The following CPLX1 variants were observed in gnomAD, a reference collection of about 807,000 sequenced individuals.
The protein encoded by CPLX1 is complexin 1, also known as complexin-1.
CPLX1 carries 6 observed loss-of-function variants against 15.6 expected under a neutral mutation model. The ratio of observed to expected loss-of-function variants is 0.39; its 90% CI spans 0.21 to 0.76. CPLX1 has a LOEUF of 0.76. Among genes scored for constraint, CPLX1 ranks in the 30% least tolerant of loss-of-function variants. CPLX1 has a pLI of 0.43. For missense variants in CPLX1, 242 were observed against 188.6 expected, an observed-to-expected ratio of 1.28 and a Z score of -1.66; for synonymous variants, 91 against 75.2, an observed-to-expected ratio of 1.21 and a Z score of -1.08.
intron 2 of CPLX1, among the ~76,000 whole-genome samples, chr4:800,578 G>GTA (rs1553853396): frequency 2.3e-5 from 3 of 130,450 alleles, no homozygotes; most frequent in Non-Finnish European, 3.2e-5. Context: ...GTGTGTGTGT[G>GTA]TATATATATG....
intron 2 of CPLX1, among the ~76,000 whole-genome samples, chr4:793,071 C>T (rs1016894612): frequency 6.6e-6 from 1 of 152,156 alleles, no homozygotes; most frequent in Non-Finnish European, 1.5e-5. Context: ...GTTGTGTGAT[C>T]AGGCTTGTCG....
At chr4:800,499 C>CAT (rs1241549337) in intron 2 of CPLX1, among the ~76,000 whole-genome samples, 2 of 147,162 alleles carry the variant, frequency 1.4e-5, no homozygotes, top group East Asian at 4.0e-4. Flanking sequence ...TATACACACA[C>CAT]ATATACACAC....
At chr4:788,985 T>A (rs567250102) in intron 3 of CPLX1, among the ~76,000 whole-genome samples, 1 of 152,146 alleles carries the variant, frequency 6.6e-6, no homozygotes, top group Non-Finnish European at 1.5e-5. Flanking sequence ...CGGTGTGGGA[T>A]CCTTCCTTCT....
At chr4:793,866 T>A (rs895304662) in intron 2 of CPLX1, among the ~76,000 whole-genome samples, 1 of 152,216 alleles carries the variant, frequency 6.6e-6, no homozygotes, top group African/African-American at 2.4e-5. Flanking sequence ...GCTGAGCCCA[T>A]GCCTCGGGTA....
chr4:812,146 C>T (rs1244273568), intron 2 of CPLX1, among the ~76,000 whole-genome samples: 1 of 152,186 alleles, frequency 6.6e-6, no homozygotes, highest in East Asian at 1.9e-4. Flanking sequence ...GCGATCTCAG[C>T]TCACTGCAAC....
chr4:787,732 CG>C (rs146721504), intron 3 of CPLX1: 55,793 of 985,222 alleles, frequency 0.057, 1,730 homozygotes, highest in East Asian at 0.12. Flanking sequence ...TGTCAGGCCC[CG>C]GGGTTTTGGT....
chr4:800,849 G>GTATA (rs763825494), intron 2 of CPLX1, among the ~76,000 whole-genome samples: 32 of 131,710 alleles, frequency 2.4e-4, no homozygotes, highest in South Asian at 7.3e-4. Flanking sequence ...GTATATATAT[G>GTATA]TATATATATA....
In CPLX1 at chr4:824,555, A is replaced by C. The variant is rs765619001; in HGVS notation, c.-33T>G. Reference sequence around the variant, plus strand: ...GCTCTGCTTCCACAGTGGCTCCTCCAGGGGTCAGAACTCACACGCAAGTAT... The same window carrying C: ...GCTCTGCTTCCACAGTGGCTCCTCCCGGGGTCAGAACTCACACGCAAGTAT... On this transcript the variant is annotated 5_prime_UTR_variant, in exon 2 of 4. Transcript: ENST00000304062. 3.7e-6 allele frequency: 6 copies of C among 1,611,796 alleles called. No homozygotes were observed. Among genetic ancestry groups the C allele is most frequent in the Non-Finnish European group, 4.2e-6 (5 of 1,179,108 alleles).
At chr4:796,041 G>C (rs1038366734) in intron 2 of CPLX1, among the ~76,000 whole-genome samples, 5 of 152,142 alleles carry the variant, frequency 3.3e-5, no homozygotes, top group Non-Finnish European at 5.9e-5. Flanking sequence ...GCAGTTTCTG[G>C]GGGGATCTGC....
At chr4:817,767 C>T (rs1351529998) in intron 2 of CPLX1, among the ~76,000 whole-genome samples, 4 of 152,192 alleles carry the variant, frequency 2.6e-5, no homozygotes, top group Non-Finnish European at 5.9e-5. Flanking sequence ...CCCTGGGGCT[C>T]CCTTCCCCTC....
chr4:812,079 T>A (rs1196033674), intron 2 of CPLX1, among the ~76,000 whole-genome samples: 2 of 152,102 alleles, frequency 1.3e-5, no homozygotes, highest in African/African-American at 4.8e-5. Flanking sequence ...CTTTATATAT[T>A]TATTTATTTA....
Position 786,391 on chromosome 4 carries a change from A to C in CPLX1, c.*110T>G. On this transcript the variant is annotated 3_prime_UTR_variant, in exon 4 of 4. Coordinates refer to ENST00000304062, the MANE Select transcript of CPLX1 (RefSeq NM_006651.4). Reference sequence around the variant, plus strand: ...GCGCGGGCAGGGCGGGCCTGGGGCTATGGCTTATATCGGCGTGGGGGCTGC... The same window carrying C: ...GCGCGGGCAGGGCGGGCCTGGGGCTCTGGCTTATATCGGCGTGGGGGCTGC... 4 of 1,223,578 alleles carry C rather than the reference A, an allele frequency of 3.3e-6. No homozygotes were observed. The highest frequency in any genetic ancestry group is 4.4e-6 in the Non-Finnish European group (4 of 915,022). 75.8% of individuals were successfully genotyped at this position (1,223,578 alleles called of 1,614,324 possible).
chr4:795,529 C>G (rs1269368982), intron 2 of CPLX1, among the ~76,000 whole-genome samples: 1 of 152,178 alleles, frequency 6.6e-6, no homozygotes, highest in Admixed American at 6.5e-5. Flanking sequence ...GGGTCGGATC[C>G]GAGGCTGGGG....
At chr4:792,769 A>C in intron 2 of CPLX1, 161 bp from the exon 3 acceptor site, 18 of 694,002 alleles carry the variant, frequency 2.6e-5, no homozygotes, top group African/African-American at 3.9e-5. Context: ...TCCCACCTCC[A>C]TCTGGCCCTG....
intron 2 of CPLX1, among the ~76,000 whole-genome samples, chr4:800,861 A>G (rs1577475970): frequency 6.6e-6 from 1 of 150,496 alleles, no homozygotes; most frequent in Non-Finnish European, 1.5e-5. Context: ...ATATATATAT[A>G]TATATATTAG....
chr4:791,709 C>T (rs1746180441), intron 3 of CPLX1, among the ~76,000 whole-genome samples: 1 of 152,222 alleles, frequency 6.6e-6, no homozygotes, highest in East Asian at 1.9e-4. Flanking sequence ...GCCTGCTGGG[C>T]CTGCTGCGGC....
At chr4:795,059 G>A (rs893625821) in intron 2 of CPLX1, among the ~76,000 whole-genome samples, 3 of 152,360 alleles carry the variant, frequency 2.0e-5, no homozygotes, top group African/African-American at 7.2e-5. Context: ...GCTCCCCGCA[G>A]GCTGCAAAGC....
intron 3 of CPLX1, among the ~76,000 whole-genome samples, chr4:791,021 C>G (rs1746155796): frequency 1.3e-5 from 2 of 152,088 alleles, no homozygotes; most frequent in Non-Finnish European, 2.9e-5. Flanking sequence ...CTCTGTTCCT[C>G]TCTGTTCTCT....
At chr4:799,217 G>A (rs1300772307) in intron 2 of CPLX1, among the ~76,000 whole-genome samples, 4 of 152,236 alleles carry the variant, frequency 2.6e-5, no homozygotes, top group African/African-American at 7.2e-5. Flanking sequence ...CCTGGAGGAA[G>A]GAACGCTACA....
Sources: allele counts gnomAD v4.1 joint callset (sites outside exome capture counted in the v4.1 genomes callset), GRCh38; gene constraint gnomAD v4.1.1; transcripts MANE v1.5; gene names NCBI Gene and HGNC (gene_info 2026-07-23, HGNC 2026-07-21).